SVEP1: variants seen among roughly 807,000 people sequenced by gnomAD.
The protein encoded by SVEP1 is sushi, von Willebrand factor type A, EGF and pentraxin domain-containing protein 1.
Under a neutral mutation model 367.3 loss-of-function variants are expected in SVEP1, and 164 were observed. That is an observed-to-expected ratio of 0.45 (90% CI 0.39 to 0.51). SVEP1 has a LOEUF of 0.51. Ranked by LOEUF, SVEP1 falls within the 20% of genes least tolerant of loss-of-function variation. The pLI, the probability that SVEP1 is intolerant of heterozygous loss-of-function variation, is 0.00. For missense variants in SVEP1, 4,117 were observed against 4,425.3 expected, an observed-to-expected ratio of 0.93 and a Z score of 1.98; for synonymous variants, 1,666 against 1,611.6, an observed-to-expected ratio of 1.03 and a Z score of -0.81.
At chr9:110,528,156 GTATATATATATA>G (rs59360366) in intron 3 of SVEP1, among the ~76,000 whole-genome samples, 4 of 33,940 alleles carry the variant, frequency 1.2e-4, no homozygotes, top group South Asian at 9.6e-4. Flanking sequence ...GTGTGTGTGT[GTATATATATATA>G]TATATATATA....
intron 1 of SVEP1, 44 bp from the exon 2 acceptor site, chr9:110,550,148 G>A (rs1236673045): frequency 6.2e-7 from 1 of 1,604,870 alleles, no homozygotes; most frequent in African/African-American, 1.3e-5. Flanking sequence ...GTACTGTCTT[G>A]CCTACTGTGT....
chr9:110,397,456 C>T (rs1827782351), intron 40 of SVEP1, among the ~76,000 whole-genome samples: 1 of 152,126 alleles, frequency 6.6e-6, no homozygotes, highest in Admixed American at 6.6e-5. Flanking sequence ...CCCTCTCTCA[C>T]CACTCCTATT....
rs1827852094 is a variant in SVEP1, at chr9:110,401,019, A to G, written c.9667-10T>C. 1.2e-6 allele frequency: 2 copies of G among 1,612,538 alleles called. No individual in the cohort carries two copies. Among genetic ancestry groups the G allele is most frequent in the Non-Finnish European group, 1.7e-6 (2 of 1,179,536 alleles). On this transcript the variant is annotated splice_polypyrimidine_tract_variant and intron_variant, in intron 39 of 47. Transcript: ENST00000374469. Reference sequence around the variant, plus strand: ...CCCAGGTTCCATCAAGCTAAGTGACAAATAACAAAATGTAAGTTATGTTTA... The same window carrying G: ...CCCAGGTTCCATCAAGCTAAGTGACGAATAACAAAATGTAAGTTATGTTTA...
intron 1 of SVEP1, among the ~76,000 whole-genome samples, chr9:110,559,256 T>C (rs1465517934): frequency 6.6e-6 from 1 of 151,966 alleles, no homozygotes; most frequent in African/African-American, 2.4e-5. Context: ...CTGCTCCCTC[T>C]AAAAAAATCA....
intron 3 of SVEP1, among the ~76,000 whole-genome samples, chr9:110,518,254 CT>C (rs1470603002): frequency 6.6e-6 from 1 of 151,948 alleles, no homozygotes; most frequent in Non-Finnish European, 1.5e-5. Flanking sequence ...GAAACCCCGT[CT>C]CTACTAAAAA....
intron 22 of SVEP1, among the ~76,000 whole-genome samples, chr9:110,453,925 T>A (rs2118622000): frequency 6.6e-6 from 1 of 152,006 alleles, no homozygotes; most frequent in East Asian, 1.9e-4. Flanking sequence ...TGAGATGGTA[T>A]CTCACTGTCG....
rs185807967 is a variant in SVEP1, at chr9:110,471,948, C to T, written c.2764+211G>A. On this transcript the variant is annotated intron_variant, in intron 15 of 47. Transcript: ENST00000374469. ...CACCTTAATCATGCCAAGATGAGAACGAAGTAGGGTGCTTTTCGCCGTGAG... is the reference window on the plus strand; with the variant it reads ...CACCTTAATCATGCCAAGATGAGAATGAAGTAGGGTGCTTTTCGCCGTGAG... Among the ~76,000 whole-genome samples, 24 of 152,132 alleles carry T rather than the reference C, an allele frequency of 1.6e-4. 1 individual carries two copies. The highest frequency in any genetic ancestry group is 1.2e-3 in the Admixed American group (19 of 15,280).
At chr9:110,464,458 T>C (rs1363564405) in intron 18 of SVEP1, among the ~76,000 whole-genome samples, 1 of 152,196 alleles carries the variant, frequency 6.6e-6, no homozygotes, top group East Asian at 1.9e-4. Context: ...TTTCTCCCAA[T>C]GCACTTATGA....
At chr9:110,437,691 G>T (rs1168570255) in intron 27 of SVEP1, among the ~76,000 whole-genome samples, 1 of 151,930 alleles carries the variant, frequency 6.6e-6, no homozygotes, top group African/African-American at 2.4e-5. Context: ...TGGGTTACAT[G>T]GATAACTTCT....
At chr9:110,540,451 C>A (rs1428517049) in intron 3 of SVEP1, among the ~76,000 whole-genome samples, 3 of 151,696 alleles carry the variant, frequency 2.0e-5, no homozygotes, top group South Asian at 2.1e-4. Flanking sequence ...TTTAAAAAAA[C>A]AACAACAACA....
chr9:110,493,599 G>A (rs1353281671), intron 8 of SVEP1, among the ~76,000 whole-genome samples: 3 of 152,102 alleles, frequency 2.0e-5, no homozygotes, highest in Non-Finnish European at 4.4e-5. Flanking sequence ...TGACATGGTG[G>A]CACTTGCCTG....
chr9:110,375,633 T>C (rs1162950533), intron 45 of SVEP1, among the ~76,000 whole-genome samples, 170 bp from the exon 46 acceptor site: 1 of 152,172 alleles, frequency 6.6e-6, no homozygotes, highest in Non-Finnish European at 1.5e-5. Flanking sequence ...TTAATGAGTA[T>C]CATTGGGAAA....
intron 1 of SVEP1, among the ~76,000 whole-genome samples, chr9:110,578,781 A>G (rs2118898314): frequency 6.6e-6 from 1 of 152,294 alleles, no homozygotes; most frequent in East Asian, 1.9e-4. Context: ...CTCGAAGCCG[A>G]CTATCTAAGG....
chr9:110,506,241 C>A (rs957690103), intron 5 of SVEP1, among the ~76,000 whole-genome samples: 3 of 152,104 alleles, frequency 2.0e-5, no homozygotes, highest in Non-Finnish European at 4.4e-5. Flanking sequence ...GGGTTGGTTC[C>A]AAGTCTTTGC....
intron 3 of SVEP1, among the ~76,000 whole-genome samples, chr9:110,531,870 T>A (rs1210480836): frequency 2.0e-5 from 3 of 152,178 alleles, no homozygotes. Context: ...GTTTTAGGAA[T>A]AAATTTGGAA....
intron 27 of SVEP1, chr9:110,442,454 CTTT>C (rs1265250909): frequency 7.3e-6 from 1 of 137,122 alleles, no homozygotes; most frequent in South Asian, 2.4e-4. Flanking sequence ...TAATTTCTTT[CTTT>C]TTTCTTTTTT....
At position 110,455,553 on chromosome 9, in the gene SVEP1, G is replaced by T. The variant is rs368154528; in HGVS notation, c.3787+37C>A. 17 of 1,485,100 alleles carry T rather than the reference G, an allele frequency of 1.1e-5. No individual in the cohort carries two copies. The African/African-American group carries it at 2.2e-4, about 19-fold the overall frequency. The allele number at this position is 1,485,100 out of a possible 1,614,324, so 92.0% of individuals were successfully genotyped here. On this transcript the variant is annotated intron_variant, in intron 22 of 47. Coordinates refer to ENST00000374469, the MANE Select transcript of SVEP1 (RefSeq NM_153366.4). The stretch of plus-strand genomic sequence containing the variant: ...AGTGATGAAATGTTAATGATTCAAA[G>T]ATTTATATTGTTGAAAACAGGAGAC...
At chr9:110,493,138 T>C (rs555768246) in intron 8 of SVEP1, among the ~76,000 whole-genome samples, 26 of 151,904 alleles carry the variant, frequency 1.7e-4, no homozygotes, top group Non-Finnish European at 3.1e-4. Context: ...TGTATGACAG[T>C]GCTTGGAGCT....
intron 24 of SVEP1, among the ~76,000 whole-genome samples, chr9:110,448,003 C>A (rs572828896): frequency 1.3e-5 from 2 of 152,006 alleles, no homozygotes. Context: ...TGTTATGATA[C>A]CACTTATGTA....
Sources: allele counts gnomAD v4.1 joint callset (sites outside exome capture counted in the v4.1 genomes callset), GRCh38; gene constraint gnomAD v4.1.1; transcripts MANE v1.5; gene names NCBI Gene and HGNC (gene_info 2026-07-23, HGNC 2026-07-21).